Variants in SLC12A5 observed in about 807,000 individuals in gnomAD.
SLC12A5 encodes the protein solute carrier family 12 member 5.
In SLC12A5, 18 loss-of-function variants were observed where a neutral mutation model predicts 124.0. The ratio of observed to expected loss-of-function variants is 0.15; its 90% CI spans 0.10 to 0.22. The LOEUF is 0.22. Among genes scored for constraint, SLC12A5 ranks in the 10% least tolerant of loss-of-function variants. The pLI is 1.00. For missense variants in SLC12A5, 867 were observed against 1,478.7 expected, an observed-to-expected ratio of 0.59 and a Z score of 6.78; for synonymous variants, 589 against 568.0, an observed-to-expected ratio of 1.04 and a Z score of -0.53.
Position 46,057,820 on chromosome 20 carries a change from G to C in SLC12A5, c.*215G>C. ...GACCAGAGCTCCTCAGTGCCAGTTT[G>C]GCCCCTGGGTCTTCGCTGCCCTTTT... On this transcript the variant is annotated 3_prime_UTR_variant, in exon 26 of 26. Transcript: ENST00000243964. This position sits in a 1 kb window ranked among gnomAD's most constrained non-coding sequence, Gnocchi z 7.1. The C allele has an allele frequency of 4.0e-6, 2 of 497,518 alleles. No individual in the cohort carries two copies. The highest frequency in any genetic ancestry group is 6.5e-5 in the South Asian group (2 of 30,976). The allele number at this position is 497,518 out of a possible 1,614,324, so 30.8% of individuals were successfully genotyped here. A position where few individuals can be genotyped will look rare whatever the true frequency, so the allele number is the denominator to read the frequency against.
rs1191704103 is a variant in SLC12A5 at position 46,053,534 on chromosome 20, C to T, written c.2548-44C>T. ...AGGGCCTGGCCCTGGATCTCCTCAT[C>T]ACATCTGGGCTGGACCTTTCTGAAT... On this transcript the variant is annotated intron_variant, in intron 19 of 25. Coordinates refer to ENST00000243964, the MANE Select transcript of SLC12A5 (RefSeq NM_020708.5). The surrounding 1 kb of genome is among the most constrained non-coding windows in gnomAD (Gnocchi z 4.7). 6.2e-7 allele frequency: 1 copy of T among 1,609,496 alleles called. No homozygotes were observed. Among genetic ancestry groups the T allele is most frequent in the Non-Finnish European group, 8.5e-7 (1 of 1,178,428 alleles).
chr20:46,029,201 CCGGG>C, upstream of SLC12A5: 1 of 1,435,620 alleles, frequency 7.0e-7, no homozygotes, highest in South Asian at 1.5e-5. Flanking sequence ...TGTGTGTGCG[CCGGG>C]CGGGCGGGCA....
chr20:46,043,104 C>T, intron 8 of SLC12A5, 49 bp from the exon 9 acceptor site: 4 of 1,591,854 alleles, frequency 2.5e-6, no homozygotes, highest in Non-Finnish European at 3.4e-6. Flanking sequence ...TCCCAGAGCT[C>T]TGGTCCCCTT....
In SLC12A5 at chr20:46,045,017, A is replaced by G. The variant is rs1568863652; in HGVS notation, c.1446A>G (p.Pro482=). 1 of 1,614,156 alleles carries G rather than the reference A, an allele frequency of 6.2e-7. No individual in the cohort carries two copies. ...GNLVVGTLAW[P]SPWVIVIGSF... ...TCGTGGTGGGCACTCTGGCCTGGCC[A>G]TCTCCATGGGTAATTGTCATCGGAT... Residue 482 remains proline, a synonymous_variant, in exon 12 of 26, where the codon CCA becomes CCG. Transcript: ENST00000243964. This position sits in a 1 kb window ranked among gnomAD's most constrained non-coding sequence, Gnocchi z 4.9.
intron 3 of SLC12A5, 47 bp downstream of exon 3, chr20:46,035,582 G>A (rs768842892): frequency 4.5e-6 from 7 of 1,565,378 alleles, no homozygotes; most frequent in Non-Finnish European, 6.1e-6. Context: ...GACGGATGGG[G>A]GGTGGGGGAG....
upstream of SLC12A5, among the ~76,000 whole-genome samples, chr20:46,026,608 T>C (rs971621714): frequency 6.6e-6 from 1 of 152,210 alleles, no homozygotes; most frequent in African/African-American, 2.4e-5. Flanking sequence ...TAGGAAGGGA[T>C]ATGTGGCTTT....
chr20:46,044,123 G>A (rs1419253148), intron 11 of SLC12A5, among the ~76,000 whole-genome samples, 190 bp downstream of exon 11: 1 of 152,148 alleles, frequency 6.6e-6, no homozygotes, highest in Non-Finnish European at 1.5e-5. Flanking sequence ...TGAGAAGCTT[G>A]GATGGTGTCT....
chr20:46,028,873 T>C (rs2084419786), upstream of SLC12A5: 1 of 155,468 alleles, frequency 6.4e-6, no homozygotes. Flanking sequence ...CCTGCCGTTA[T>C]TTTTAGGGCG....
At chr20:46,040,747 G>A (rs2084538637) in intron 7 of SLC12A5, 133 bp downstream of exon 7, 13 of 1,379,574 alleles carry the variant, frequency 9.4e-6, no homozygotes, top group African/African-American at 4.4e-5. Context: ...GCTTCCCTTG[G>A]GAGGGAAAAT....
At chr20:46,042,447 A>T (rs1374737221) in intron 8 of SLC12A5, among the ~76,000 whole-genome samples, 2 of 152,056 alleles carry the variant, frequency 1.3e-5, no homozygotes, top group Non-Finnish European at 2.9e-5. Context: ...TGTCTGTGGG[A>T]ATTACTGCAG....
At chr20:46,044,817 G>A in intron 11 of SLC12A5, 149 bp from the exon 12 acceptor site, 1 of 824,634 alleles carries the variant, frequency 1.2e-6, no homozygotes, top group Non-Finnish European at 1.9e-6. Context: ...AAAAAACAAT[G>A]GAACATTTGG....
upstream of SLC12A5, chr20:46,029,086 C>T (rs1036748374): frequency 6.1e-6 from 8 of 1,317,528 alleles, no homozygotes; most frequent in Middle Eastern, 2.8e-4. Flanking sequence ...CGCTCTCCCC[C>T]CAAAACCCCG....
chr20:46,051,132 A>C (rs934522774), intron 17 of SLC12A5, among the ~76,000 whole-genome samples: 3 of 152,214 alleles, frequency 2.0e-5, no homozygotes, highest in Non-Finnish European at 4.4e-5. Flanking sequence ...TCCTTAAACA[A>C]GTCTTCCTTT....
intron 7 of SLC12A5, 46 bp from the exon 8 acceptor site, chr20:46,041,283 C>A (rs370841433): frequency 2.5e-6 from 4 of 1,573,264 alleles, no homozygotes; most frequent in Non-Finnish European, 3.5e-6. Flanking sequence ...GCAGCGAGGG[C>A]AAGGTTATGT....
chr20:46,029,323 G>A lies in SLC12A5; in HGVS notation c.-22G>A. 6.5e-7 allele frequency: 1 copy of A among 1,538,562 alleles called. No individual in the cohort carries two copies. The highest frequency in any genetic ancestry group is 8.8e-7 in the Non-Finnish European group (1 of 1,141,442). ...GGGCGAGGCGGCGCAGCCATCCCCG[G>A]ACCAGGGGCCGCGCCGCCACCATGC... On this transcript the variant is annotated 5_prime_UTR_variant, in exon 1 of 26. Transcript: ENST00000243964.
chr20:46,029,899 T>TGC (rs2084432518), intron 1 of SLC12A5, among the ~76,000 whole-genome samples: 1 of 108,304 alleles, frequency 9.2e-6, no homozygotes, highest in African/African-American at 3.6e-5. Flanking sequence ...TGCGCGCGCG[T>TGC]GCGTATGTGT....
chr20:46,044,890 G>A, intron 11 of SLC12A5, 76 bp from the exon 12 acceptor site: 3 of 1,561,178 alleles, frequency 1.9e-6, no homozygotes, highest in Admixed American at 1.7e-5. Flanking sequence ...AGTTGGTTCT[G>A]TAGTTGGTAT....
chr20:46,058,364 G>T lies in SLC12A5; in HGVS notation c.*759G>T. The T allele has an allele frequency of 2.5e-6, 1 of 397,972 alleles. No homozygotes were observed. Among genetic ancestry groups the T allele is most frequent in the Non-Finnish European group, 4.4e-6 (1 of 226,006 alleles). The allele number at this position is 397,972 out of a possible 1,614,324, so 24.7% of individuals were successfully genotyped here. ...CTGCTCTCGCCTCTTCGCCCTTTCC[G>T]CGCGCCCTTGGCTTCCCACCCTCCT... is the stretch of plus-strand genomic sequence containing the variant. On this transcript the variant is annotated 3_prime_UTR_variant, in exon 26 of 26. Transcript: ENST00000243964. The surrounding 1 kb of genome is among the most constrained non-coding windows in gnomAD (Gnocchi z 5.8).
At chr20:46,034,710 G>A (rs888117905) in intron 1 of SLC12A5, among the ~76,000 whole-genome samples, 1 of 152,106 alleles carries the variant, frequency 6.6e-6, no homozygotes, top group African/African-American at 2.4e-5. Context: ...AAATGGAATA[G>A]GACCCCCAAG....
Sources: allele counts gnomAD v4.1 joint callset (sites outside exome capture counted in the v4.1 genomes callset), GRCh38; gene constraint gnomAD v4.1.1; non-coding constraint Gnocchi (gnomAD v3.1); transcripts MANE v1.5; gene names NCBI Gene and HGNC (gene_info 2026-07-23, HGNC 2026-07-21).